The following GLRB variants were observed in gnomAD, a reference collection of about 807,000 sequenced individuals.
GLRB encodes the protein glycine receptor subunit beta.
Under a neutral mutation model 54.2 loss-of-function variants are expected in GLRB, and 33 were observed. That is an observed-to-expected ratio of 0.61 (90% CI 0.46 to 0.81). The LOEUF (loss-of-function observed/expected upper bound fraction) is 0.81. Among genes scored for constraint, GLRB ranks in the 40% least tolerant of loss-of-function variants. GLRB has a pLI of 0.00. For missense variants in GLRB, 572 were observed against 584.6 expected, an observed-to-expected ratio of 0.98 and a Z score of 0.22; for synonymous variants, 209 against 208.2, an observed-to-expected ratio of 1.00 and a Z score of -0.03.
intron 9 of GLRB, among the ~76,000 whole-genome samples, chr4:157,153,906 C>A (rs749706350): frequency 2.0e-5 from 3 of 152,190 alleles, no homozygotes; most frequent in Non-Finnish European, 2.9e-5. Flanking sequence ...CACCACTAGT[C>A]CCCTCACCTA....
At chr4:157,127,641 G>C (rs1022491565) in intron 4 of GLRB, among the ~76,000 whole-genome samples, 1 of 151,806 alleles carries the variant, frequency 6.6e-6, no homozygotes, top group African/African-American at 2.4e-5. Flanking sequence ...AATTGATAGC[G>C]TTCTTGTAAG....
chr4:157,127,810 G>C (rs1326222511), intron 4 of GLRB, among the ~76,000 whole-genome samples: 1 of 151,816 alleles, frequency 6.6e-6, no homozygotes, highest in Admixed American at 6.6e-5. Context: ...GGCTTCAAAG[G>C]AACCAGCCCC....
intron 2 of GLRB, among the ~76,000 whole-genome samples, chr4:157,089,739 C>T (rs542493291): frequency 2.7e-4 from 41 of 152,140 alleles, no homozygotes; most frequent in African/African-American, 9.9e-4. Context: ...TCTATGATTG[C>T]TTCTATATCT....
chr4:157,142,618 A>G (rs1312866396), intron 7 of GLRB, among the ~76,000 whole-genome samples: 1 of 152,126 alleles, frequency 6.6e-6, no homozygotes, highest in Non-Finnish European at 1.5e-5. Context: ...TTCTTGTGTT[A>G]GATATATGTA....
chr4:157,134,790 G>A lies in GLRB; in HGVS notation c.298-1679G>A, dbSNP rs549372000. Reference sequence around the variant, plus strand: ...ATAAGAAAAATACAATGAAGTAATTGAGAAAGAACTGAATGTGTAGGAGAC... The same window carrying A: ...ATAAGAAAAATACAATGAAGTAATTAAGAAAGAACTGAATGTGTAGGAGAC... On this transcript the variant is annotated intron_variant, in intron 4 of 9. Transcript: ENST00000264428. Among the ~76,000 whole-genome samples the A allele has an allele frequency of 4.6e-5, 7 of 152,220 alleles. No homozygotes were observed. In the South Asian group the frequency reaches 1.5e-3, roughly 32 times the overall value.
At chr4:157,115,173 A>T (rs1211446707) in intron 2 of GLRB, among the ~76,000 whole-genome samples, 1 of 151,164 alleles carries the variant, frequency 6.6e-6, no homozygotes, top group African/African-American at 2.4e-5. Context: ...TTTGTTGCTC[A>T]AATCATTGCA....
intron 4 of GLRB, among the ~76,000 whole-genome samples, chr4:157,128,503 A>G (rs1433659824): frequency 6.6e-6 from 1 of 151,910 alleles, no homozygotes; most frequent in Non-Finnish European, 1.5e-5. Context: ...AACTGTCAAC[A>G]TGATACAGAA....
At chr4:157,093,922 G>A (rs1235578470) in intron 2 of GLRB, among the ~76,000 whole-genome samples, 1 of 151,728 alleles carries the variant, frequency 6.6e-6, no homozygotes, top group Non-Finnish European at 1.5e-5. Flanking sequence ...ATTACATAGA[G>A]ACTTAGTTTT....
At chr4:157,168,993 A>G (rs1560981510) in intron 9 of GLRB, among the ~76,000 whole-genome samples, 1 of 152,062 alleles carries the variant, frequency 6.6e-6, no homozygotes. Flanking sequence ...TCTAGGAAAT[A>G]TATATATAAA....
chr4:157,162,050 A>C (rs1245265970), intron 9 of GLRB, among the ~76,000 whole-genome samples: 10 of 152,078 alleles, frequency 6.6e-5, no homozygotes, highest in African/African-American at 2.4e-4. Flanking sequence ...TTTTTTATCT[A>C]AACTTCTCTT....
intron 2 of GLRB, among the ~76,000 whole-genome samples, chr4:157,102,764 T>C (rs1324051484): frequency 6.6e-6 from 1 of 152,186 alleles, no homozygotes; most frequent in Non-Finnish European, 1.5e-5. Context: ...ACTCTGAATA[T>C]TCATGAAAGG....
At chr4:157,096,323 G>C (rs1734811131) in intron 2 of GLRB, among the ~76,000 whole-genome samples, 1 of 152,082 alleles carries the variant, frequency 6.6e-6, no homozygotes. Context: ...AGTGCCAGGG[G>C]GTACTTTTTA....
intron 4 of GLRB, among the ~76,000 whole-genome samples, chr4:157,133,180 TTAA>T (rs1205536338): frequency 2.0e-5 from 3 of 151,902 alleles, no homozygotes; most frequent in Admixed American, 2.0e-4. Context: ...GATAATAATG[TTAA>T]TAATACATAT....
chr4:157,101,158 A>C (rs1735010987), intron 2 of GLRB, among the ~76,000 whole-genome samples: 1 of 152,274 alleles, frequency 6.6e-6, no homozygotes, highest in Non-Finnish European at 1.5e-5. Context: ...AAAATGCAGA[A>C]AATTACAGGT....
At chr4:157,166,488 G>T (rs1192279950) in intron 9 of GLRB, among the ~76,000 whole-genome samples, 6 of 151,994 alleles carry the variant, frequency 3.9e-5, no homozygotes, top group Non-Finnish European at 8.8e-5. Flanking sequence ...GATGAATGGG[G>T]CAAGGAGACT....
Position 157,138,578 on chromosome 4 carries a change from G to A in GLRB, c.611-231G>A, listed in dbSNP as rs554048558. Among the ~76,000 whole-genome samples the A allele has an allele frequency of 1.6e-4, 25 of 152,086 alleles. No individual in the cohort carries two copies. The South Asian group carries it at 2.1e-3, about 13-fold the overall frequency. ...TGCCCTAGGATTTTAAATCTGTGCC[G>A]TATGCTTATTATTTAAACTTGTTCT... On this transcript the variant is annotated intron_variant, in intron 6 of 9. Transcript: ENST00000264428.
intron 8 of GLRB, among the ~76,000 whole-genome samples, chr4:157,147,104 G>A (rs992862517): frequency 6.6e-6 from 1 of 152,106 alleles, no homozygotes; most frequent in Non-Finnish European, 1.5e-5. Flanking sequence ...ATAGGCAGTT[G>A]GATATGCAAG....
chr4:157,139,941 C>T (rs1736548620), intron 7 of GLRB, among the ~76,000 whole-genome samples: 2 of 151,794 alleles, frequency 1.3e-5, no homozygotes, highest in South Asian at 2.1e-4. Flanking sequence ...ATCAAGGCAA[C>T]ATATAATTTA....
intron 6 of GLRB, 150 bp downstream of exon 6, chr4:157,137,036 T>A (rs1002297974): frequency 1.2e-4 from 77 of 632,438 alleles, no homozygotes; most frequent in Non-Finnish European, 2.0e-4. Context: ...AAATTATAGT[T>A]ACTCTTTTAT....
Sources: allele counts gnomAD v4.1 joint callset (sites outside exome capture counted in the v4.1 genomes callset), GRCh38; gene constraint gnomAD v4.1.1; transcripts MANE v1.5; gene names NCBI Gene and HGNC (gene_info 2026-07-23, HGNC 2026-07-21).